The following KCNH8 variants were observed in gnomAD, a reference collection of about 807,000 sequenced individuals.
KCNH8 encodes voltage-gated delayed rectifier potassium channel KCNH8.
Under a neutral mutation model 103.6 loss-of-function variants are expected in KCNH8, and 70 were observed. That is an observed-to-expected ratio of 0.68 (90% confidence interval 0.56 to 0.82). KCNH8 has a LOEUF of 0.82. Ranked by LOEUF, KCNH8 falls within the 40% of genes least tolerant of loss-of-function variation. The pLI is 0.00. For missense variants in KCNH8, 1,217 were observed against 1,329.9 expected (o/e 0.92, Z 1.32); for synonymous variants, 498 against 489.4 (o/e 1.02, Z -0.23).
Position 19,496,280 on chromosome 3 carries a change from A to C in KCNH8, c.2041-14083A>C, listed in dbSNP as rs560719666. On this transcript the variant is annotated intron_variant, in intron 11 of 15. Coordinates refer to ENST00000328405, the MANE Select transcript of KCNH8 (RefSeq NM_144633.3). ...GCATCCCTGTCTTGCTCTGGTTTTC[A>C]ACAGAATGCTTCTAGCTTTTGCCCA... 3.9e-5 allele frequency among the ~76,000 whole-genome samples: 6 copies of C among 152,332 alleles called. No individual in the cohort carries two copies. In the East Asian group the frequency reaches 1.2e-3, roughly 29 times the overall value.
intron 3 of KCNH8, among the ~76,000 whole-genome samples, chr3:19,316,211 T>C (rs2065271824): frequency 6.6e-6 from 1 of 151,968 alleles, no homozygotes; most frequent in South Asian, 2.1e-4. Flanking sequence ...TTGAGTTGGA[T>C]AGTTATTTGT....
chr3:19,416,819 A>G (rs995191324), intron 7 of KCNH8, among the ~76,000 whole-genome samples: 2 of 152,154 alleles, frequency 1.3e-5, no homozygotes, highest in African/African-American at 2.4e-5. Flanking sequence ...GAATTTTTAA[A>G]TTTGCTTAAA....
intron 11 of KCNH8, among the ~76,000 whole-genome samples, chr3:19,490,136 C>T (rs560315500): frequency 5.3e-5 from 8 of 152,336 alleles, no homozygotes; most frequent in East Asian, 3.9e-4. Flanking sequence ...CGGAGTCCCC[C>T]GCAGGGATGC....
intron 11 of KCNH8, among the ~76,000 whole-genome samples, chr3:19,484,529 C>T (rs560566566): frequency 6.6e-5 from 10 of 152,282 alleles, no homozygotes; most frequent in African/African-American, 2.4e-4. Context: ...TTGTCGTCCT[C>T]CTCAGAGTCA....
chr3:19,363,336 GA>G (rs1357940455), intron 5 of KCNH8, among the ~76,000 whole-genome samples: 2 of 152,048 alleles, frequency 1.3e-5, no homozygotes, highest in Non-Finnish European at 2.9e-5. Context: ...TAAGAACAAG[GA>G]AAAGAGCTGA....
chr3:19,222,267 C>T (rs2125232324), intron 1 of KCNH8, among the ~76,000 whole-genome samples: 1 of 152,174 alleles, frequency 6.6e-6, no homozygotes, highest in Admixed American at 6.5e-5. Context: ...GGGGCTATGC[C>T]CTTCTACATA....
At chr3:19,493,203 T>C (rs1448083693) in intron 11 of KCNH8, among the ~76,000 whole-genome samples, 1 of 152,162 alleles carries the variant, frequency 6.6e-6, no homozygotes, top group Non-Finnish European at 1.5e-5. Flanking sequence ...CCTATTTGGA[T>C]GCCTTTTGTT....
At chr3:19,432,957 A>G (rs1042541441) in intron 7 of KCNH8, among the ~76,000 whole-genome samples, 1 of 152,154 alleles carries the variant, frequency 6.6e-6, no homozygotes, top group Non-Finnish European at 1.5e-5. Flanking sequence ...TAGCTGCTCA[A>G]CTGTGGCTTC....
intron 1 of KCNH8, among the ~76,000 whole-genome samples, chr3:19,153,484 A>T (rs750909744): frequency 1.1e-4 from 17 of 152,154 alleles, no homozygotes; most frequent in Non-Finnish European, 2.1e-4. Flanking sequence ...ACAGAAGCAT[A>T]TTGAGGATCC....
intron 11 of KCNH8, among the ~76,000 whole-genome samples, chr3:19,477,671 A>G (rs2068005208): frequency 6.6e-6 from 1 of 152,198 alleles, no homozygotes; most frequent in South Asian, 2.1e-4. Context: ...CAGTGAGAGA[A>G]TTAAGAGAGA....
intron 6 of KCNH8, among the ~76,000 whole-genome samples, chr3:19,394,487 AAGAGAGAG>A (rs35675545): frequency 6.8e-6 from 1 of 147,746 alleles, no homozygotes; most frequent in African/African-American, 2.5e-5. Flanking sequence ...GAGAGAGAGA[AAGAGAGAG>A]AGAGAGAGAG....
At chr3:19,189,283 TTTTG>T (rs1368333920) in intron 1 of KCNH8, among the ~76,000 whole-genome samples, 1 of 152,050 alleles carries the variant, frequency 6.6e-6, no homozygotes, top group Non-Finnish European at 1.5e-5. Flanking sequence ...AAATATATTG[TTTTG>T]TTTACTATTT....
chr3:19,354,198 G>C, intron 5 of KCNH8, among the ~76,000 whole-genome samples: 1 of 152,128 alleles, frequency 6.6e-6, no homozygotes, highest in Non-Finnish European at 1.5e-5. Context: ...TCTTCAAGGA[G>C]AACTACAAAC....
At chr3:19,317,679 A>G (rs879755931) in intron 3 of KCNH8, among the ~76,000 whole-genome samples, 7 of 151,990 alleles carry the variant, frequency 4.6e-5, no homozygotes, top group Admixed American at 4.6e-4. Context: ...ACATATGCAA[A>G]TCAATAAATA....
chr3:19,267,509 A>C (rs1464554444), intron 2 of KCNH8, among the ~76,000 whole-genome samples: 3 of 152,126 alleles, frequency 2.0e-5, no homozygotes, highest in Non-Finnish European at 4.4e-5. Context: ...ATCTTATCAT[A>C]GAAAGCATTT....
At chr3:19,475,106 T>C (rs913461352) in intron 11 of KCNH8, among the ~76,000 whole-genome samples, 1 of 152,144 alleles carries the variant, frequency 6.6e-6, no homozygotes, top group Non-Finnish European at 1.5e-5. Context: ...ATCCAAAAGA[T>C]TGGAAGCTTA....
At chr3:19,506,491 G>A (rs2068695648) in intron 11 of KCNH8, among the ~76,000 whole-genome samples, 1 of 152,170 alleles carries the variant, frequency 6.6e-6, no homozygotes, top group African/African-American at 2.4e-5. Context: ...GAAATGGCCA[G>A]TAGGTAGGCA....
At chr3:19,529,314 G>A (rs1163626678) in intron 15 of KCNH8, among the ~76,000 whole-genome samples, 1 of 152,178 alleles carries the variant, frequency 6.6e-6, no homozygotes, top group Non-Finnish European at 1.5e-5. Flanking sequence ...TCTCTTTGCA[G>A]TTAAGTTGTA....
chr3:19,355,562 G>GATGAGTTC (rs2065869997), intron 5 of KCNH8, among the ~76,000 whole-genome samples: 1 of 152,120 alleles, frequency 6.6e-6, no homozygotes, highest in Admixed American at 6.6e-5. Flanking sequence ...CATAAAAAAG[G>GATGAGTTC]ATGAGTTCAT....
Sources: gnomAD v4.1 joint callset for allele counts (sites outside exome capture counted in the v4.1 genomes callset) on GRCh38, gnomAD v4.1.1 for gene constraint, MANE v1.5 for transcripts, NCBI Gene and HGNC (gene_info 2026-07-23, HGNC 2026-07-21) for gene names.